The following CFAP299 variants were observed in gnomAD, a reference collection of about 807,000 sequenced individuals.
CFAP299 encodes cilia- and flagella-associated protein 299.
Under a neutral mutation model 27.0 loss-of-function variants are expected in CFAP299, and 21 were observed. That is an observed-to-expected ratio of 0.78 (90% confidence interval 0.55 to 1.12). The LOEUF (loss-of-function observed/expected upper bound fraction) is 1.12. CFAP299 is among the 50% of genes most tolerant of loss of function. The probability of loss-of-function intolerance (pLI) is 0.00; values close to 1 mark genes in which losing one functional copy is unlikely to be tolerated. For missense variants in CFAP299, 310 were observed against 276.6 expected, an observed-to-expected ratio of 1.12 and a Z score of -0.86; for synonymous variants, 104 against 98.1, an observed-to-expected ratio of 1.06 and a Z score of -0.36.
At chr4:80,475,362 G>T (rs1439180556) in intron 2 of CFAP299, among the ~76,000 whole-genome samples, 1 of 152,304 alleles carries the variant, frequency 6.6e-6, no homozygotes, top group African/African-American at 2.4e-5. Context: ...GTAGTGGCTT[G>T]GTCCAGGGAG....
At chr4:80,441,322 A>T (rs1481630480) in intron 2 of CFAP299, among the ~76,000 whole-genome samples, 1 of 152,210 alleles carries the variant, frequency 6.6e-6, no homozygotes. Flanking sequence ...CAGGTTACCC[A>T]CAACAAGAAG....
chr4:80,440,411 A>G (rs1378187547), intron 2 of CFAP299, among the ~76,000 whole-genome samples: 2 of 152,304 alleles, frequency 1.3e-5, no homozygotes, highest in African/African-American at 4.8e-5. Flanking sequence ...TCAGGCAAAC[A>G]GGGTCTGGGG....
In CFAP299 at chr4:80,607,724, A is replaced by G. The variant is rs1205444587; in HGVS notation, c.333+24541A>G. ...AGCTTCTGGCTGCAGACTGAAAGCTATGTGTGTTGGAAGGGCATGATTCAG... is the reference window on the plus strand; with the variant it reads ...AGCTTCTGGCTGCAGACTGAAAGCTGTGTGTGTTGGAAGGGCATGATTCAG... On this transcript the variant is annotated intron_variant, in intron 3 of 5. Transcript: ENST00000358105. Among the ~76,000 whole-genome samples the G allele has an allele frequency of 3.3e-5, 5 of 152,212 alleles. No homozygotes were observed. The East Asian group carries it at 9.6e-4, about 29-fold the overall frequency.
At position 80,701,169 on chromosome 4, in the gene CFAP299, T is replaced by C. The variant is rs531402487; in HGVS notation, c.333+117986T>C. Among the ~76,000 whole-genome samples, 9 of 151,978 alleles carry C rather than the reference T, an allele frequency of 5.9e-5. 1 individual carries two copies. In the South Asian group the frequency reaches 1.7e-3, roughly 28 times the overall value. On this transcript the variant is annotated intron_variant, in intron 3 of 5. Transcript: ENST00000358105. ...ATAAAAACATTAGTGGGGGTTAGAA[T>C]TGAGAACACAAATGGAAAAATCAAG...
At chr4:80,893,647 A>C (rs1734456197) in intron 4 of CFAP299, among the ~76,000 whole-genome samples, 1 of 150,916 alleles carries the variant, frequency 6.6e-6, no homozygotes, top group Non-Finnish European at 1.5e-5. Flanking sequence ...ATACTAGAAA[A>C]ACTAAATGAA....
chr4:80,371,569 G>A (rs1361265489), intron 2 of CFAP299, among the ~76,000 whole-genome samples: 1 of 152,144 alleles, frequency 6.6e-6, no homozygotes, highest in Non-Finnish European at 1.5e-5. Context: ...AAGCAGCCAG[G>A]ACATATCCTG....
intron 2 of CFAP299, among the ~76,000 whole-genome samples, chr4:80,432,886 A>G (rs1727893505): frequency 6.6e-6 from 1 of 152,258 alleles, no homozygotes; most frequent in East Asian, 1.9e-4. Flanking sequence ...AGGGAGGGGA[A>G]TAAGTATTCT....
intron 3 of CFAP299, among the ~76,000 whole-genome samples, chr4:80,779,033 T>C (rs893121097): frequency 2.0e-5 from 3 of 152,144 alleles, no homozygotes; most frequent in Middle Eastern, 3.4e-3. Context: ...TTTCTAAGCA[T>C]TTCATATATA....
At chr4:80,622,546 T>A (rs140934635) in intron 3 of CFAP299, among the ~76,000 whole-genome samples, 2,017 of 152,304 alleles carry the variant, frequency 0.013, 16 homozygotes, top group Middle Eastern at 0.027. Flanking sequence ...CATAATATAA[T>A]AACTTGACTG....
rs1736262775 is a variant in CFAP299 at position 80,583,199 on chromosome 4, C to T, written c.333+16C>T. On this transcript the variant is annotated intron_variant, in intron 3 of 5. Transcript: ENST00000358105. Reference sequence around the variant, plus strand: ...AAAACTGAGTGTAAGTACATTTCATCCAACAGCTTAAAATGTATACACTAA... The same window carrying T: ...AAAACTGAGTGTAAGTACATTTCATTCAACAGCTTAAAATGTATACACTAA... The T allele has an allele frequency of 1.3e-6, 2 of 1,521,320 alleles. No individual in the cohort carries two copies. Among genetic ancestry groups the T allele is most frequent in the Non-Finnish European group, 9.1e-7 (1 of 1,103,758 alleles). The allele number at this position is 1,521,320 out of a possible 1,614,324, so 94.2% of individuals were successfully genotyped here. A position where few individuals can be genotyped will look rare whatever the true frequency, so the allele number is the denominator to read the frequency against.
intron 4 of CFAP299, among the ~76,000 whole-genome samples, chr4:80,911,948 TA>T (rs11299379): frequency 0.99 from 149,829 of 151,136 alleles, 74,286 homozygotes; most frequent in Non-Finnish European, 1. Flanking sequence ...TGCCTCAAAA[TA>T]AAAAAAAAAA....
intron 3 of CFAP299, among the ~76,000 whole-genome samples, chr4:80,644,894 T>G (rs1482086891): frequency 2.0e-5 from 3 of 152,148 alleles, no homozygotes; most frequent in African/African-American, 7.2e-5. Context: ...AAAAGAATAT[T>G]AGATGCAGGT....
At chr4:80,863,768 A>T (rs1732525052) in intron 3 of CFAP299, among the ~76,000 whole-genome samples, 1 of 152,142 alleles carries the variant, frequency 6.6e-6, no homozygotes, top group Admixed American at 6.5e-5. Context: ...GATAGGATTA[A>T]AGGGTTTTAT....
chr4:80,338,111 C>T (rs1264691740), intron 1 of CFAP299, among the ~76,000 whole-genome samples: 1 of 152,128 alleles, frequency 6.6e-6, no homozygotes, highest in Non-Finnish European at 1.5e-5. Context: ...CTCTCTCACA[C>T]ACATCATCAT....
At chr4:80,949,616 C>T (rs751350600) in intron 5 of CFAP299, among the ~76,000 whole-genome samples, 4 of 149,734 alleles carry the variant, frequency 2.7e-5, no homozygotes, top group Non-Finnish European at 1.5e-5. Context: ...GGGGGAGAAT[C>T]GAACACATAA....
intron 2 of CFAP299, among the ~76,000 whole-genome samples, chr4:80,554,071 G>A (rs989293541): frequency 2.0e-5 from 3 of 151,882 alleles, no homozygotes; most frequent in Non-Finnish European, 2.9e-5. Flanking sequence ...TTGCTCATTT[G>A]TATGTCCAGG....
intron 3 of CFAP299, among the ~76,000 whole-genome samples, chr4:80,707,658 C>A (rs1721899577): frequency 6.6e-6 from 1 of 151,982 alleles, no homozygotes; most frequent in Non-Finnish European, 1.5e-5. Context: ...TACTGTAGCC[C>A]AATACCTCAC....
intron 3 of CFAP299, among the ~76,000 whole-genome samples, chr4:80,868,415 C>A (rs1732873290): frequency 6.6e-6 from 1 of 152,118 alleles, no homozygotes; most frequent in South Asian, 2.1e-4. Flanking sequence ...GCGTACTGTT[C>A]CTGGATAATT....
intron 2 of CFAP299, among the ~76,000 whole-genome samples, chr4:80,368,597 T>C (rs1292329429): frequency 6.6e-6 from 1 of 152,106 alleles, no homozygotes; most frequent in Admixed American, 6.6e-5. Flanking sequence ...AAGACCAGCC[T>C]GGGCAACATA....
Sources: allele counts gnomAD v4.1 joint callset (sites outside exome capture counted in the v4.1 genomes callset), GRCh38; gene constraint gnomAD v4.1.1; transcripts MANE v1.5; gene names NCBI Gene and HGNC (gene_info 2026-07-23, HGNC 2026-07-21).